USP24: variants seen among roughly 807,000 people sequenced by gnomAD.
USP24 encodes the protein ubiquitin specific peptidase 24, also known as ubiquitin carboxyl-terminal hydrolase 24.
Under a neutral mutation model 361.6 loss-of-function variants are expected in USP24, and 97 were observed. The ratio of observed to expected loss-of-function variants is 0.27; its 90% CI spans 0.23 to 0.32. The LOEUF (loss-of-function observed/expected upper bound fraction) is 0.32, where lower values mean the gene tolerates loss of function less well. Ranked by LOEUF, USP24 falls within the 10% of genes least tolerant of loss-of-function variation. USP24 has a pLI of 1.00. For missense variants in USP24, 2,353 were observed against 3,165.6 expected (o/e 0.74, Z 6.16); for synonymous variants, 1,098 against 1,124.6 (o/e 0.98, Z 0.47).
At chr1:55,090,584 C>G (rs1379733730) in intron 54 of USP24, among the ~76,000 whole-genome samples, 3 of 152,210 alleles carry the variant, frequency 2.0e-5, no homozygotes, top group Admixed American at 2.0e-4. Context: ...CTTGGAGAAG[C>G]TCACTTTGCT....
At chr1:55,178,732 A>T (rs908721901) in intron 1 of USP24, among the ~76,000 whole-genome samples, 2 of 146,482 alleles carry the variant, frequency 1.4e-5, no homozygotes, top group Admixed American at 6.8e-5. Flanking sequence ...AATAAATAAA[A>T]AGAACTGTCT....
At chr1:55,161,894 T>A (rs1648321711) in intron 8 of USP24, among the ~76,000 whole-genome samples, 1 of 152,070 alleles carries the variant, frequency 6.6e-6, no homozygotes, top group African/African-American at 2.4e-5. Context: ...CCTTAAATAA[T>A]CCTGTGAAGC....
chr1:55,151,455 C>T (rs1039203354), intron 16 of USP24, among the ~76,000 whole-genome samples: 2 of 152,092 alleles, frequency 1.3e-5, no homozygotes, highest in African/African-American at 4.8e-5. Context: ...CTTTTGGTGT[C>T]CTCATAGGGT....
intron 38 of USP24, among the ~76,000 whole-genome samples, chr1:55,117,742 CAAAAAAA>C (rs58149121): frequency 6.0e-5 from 4 of 66,846 alleles, no homozygotes; most frequent in African/African-American, 2.3e-4. Flanking sequence ...GACTCCGTCT[CAAAAAAA>C]AAAAAAAAAA....
In USP24 at chr1:55,094,051, T is replaced by C; in HGVS notation, c.6240A>G (p.Ser2080=). 2 of 1,613,708 alleles carry C rather than the reference T, an allele frequency of 1.2e-6. No individual in the cohort carries two copies. The highest frequency in any genetic ancestry group is 1.7e-6 in the Non-Finnish European group (2 of 1,179,738). ...TGTTCGGCCTATGGGGCCGAGGGGA[T>C]GACTGAGGTGAAATTTCTGGTGAAG... The part of the protein sequence containing the change: ...APSSPEISPQ[S]SPRPHRPNND... The change falls in exon 52 of 68, where the codon TCA becomes TCG. Residue 2080 remains serine (S), a synonymous_variant. Coordinates refer to ENST00000294383, the MANE Select transcript of USP24 (RefSeq NM_015306.3).
intron 63 of USP24, 58 bp downstream of exon 63, chr1:55,075,399 C>G: frequency 6.7e-7 from 1 of 1,495,990 alleles, no homozygotes; most frequent in Non-Finnish European, 9.1e-7. Context: ...CTGGCCAGAA[C>G]AATAGATTAT....
chr1:55,077,136 A>T, intron 62 of USP24, 99 bp downstream of exon 62: 5 of 1,140,772 alleles, frequency 4.4e-6, no homozygotes, highest in Non-Finnish European at 5.9e-6. Flanking sequence ...AGACCAAATG[A>T]ATGGAGAAAT....
chr1:55,109,264 A>T (rs2100545361), intron 39 of USP24, among the ~76,000 whole-genome samples: 1 of 152,348 alleles, frequency 6.6e-6, no homozygotes, highest in South Asian at 2.1e-4. Flanking sequence ...GGCGTAAGCC[A>T]CTGCGCCTGG....
intron 1 of USP24, among the ~76,000 whole-genome samples, chr1:55,209,686 C>T (rs1569836022): frequency 6.6e-6 from 1 of 151,992 alleles, no homozygotes; most frequent in Non-Finnish European, 1.5e-5. Context: ...GCACTTAGAG[C>T]GCTTAGTGAG....
chr1:55,075,554 TAAA>T (rs755584953), intron 62 of USP24, 31 bp from the exon 63 acceptor site: 1 of 1,549,766 alleles, frequency 6.5e-7, no homozygotes, highest in South Asian at 1.2e-5. Flanking sequence ...AATTAGTAAA[TAAA>T]AGAAGGAACT....
chr1:55,071,659 A>G (rs1284598948), intron 67 of USP24, among the ~76,000 whole-genome samples, 155 bp downstream of exon 67: 1 of 152,228 alleles, frequency 6.6e-6, no homozygotes, highest in Non-Finnish European at 1.5e-5. Context: ...GTTAGTGCAT[A>G]TGCTGAGCTG....
Position 55,073,910 on chromosome 1 carries a change from A to C in USP24, c.7448-4T>G. 1 of 1,565,954 alleles carries C rather than the reference A, an allele frequency of 6.4e-7. No individual in the cohort carries two copies. The highest frequency in any genetic ancestry group is 8.7e-7 in the Non-Finnish European group (1 of 1,154,224). ...TGATTACTGTGGTGCATCAAAGCTG[A>C]GGGAAGAGAAAAGGACATTTTAACA... On this transcript the variant is annotated splice_polypyrimidine_tract_variant and splice_region_variant and intron_variant, in intron 63 of 67. Coordinates refer to ENST00000294383, the MANE Select transcript of USP24 (RefSeq NM_015306.3).
intron 40 of USP24, 25 bp from the exon 41 acceptor site, chr1:55,106,288 T>C (rs1045509176): frequency 1.6e-5 from 24 of 1,539,296 alleles, no homozygotes; most frequent in South Asian, 9.0e-5. Context: ...AATATTCATG[T>C]TGAAGATGAA....
At chr1:55,186,180 C>T (rs1201149038) in intron 1 of USP24, among the ~76,000 whole-genome samples, 1 of 152,034 alleles carries the variant, frequency 6.6e-6, no homozygotes, top group Non-Finnish European at 1.5e-5. Context: ...GGAACATTTC[C>T]CAACTTATTT....
At chr1:55,112,209 C>T (rs902859880) in intron 38 of USP24, among the ~76,000 whole-genome samples, 5 of 152,150 alleles carry the variant, frequency 3.3e-5, no homozygotes, top group East Asian at 1.9e-4. Context: ...TTTTGTTAAT[C>T]TTTTCAAAAA....
chr1:55,086,324 T>C (rs2100448156), intron 55 of USP24: 1 of 426,048 alleles, frequency 2.3e-6, no homozygotes, highest in East Asian at 4.2e-5. Flanking sequence ...TGTTCAGCTC[T>C]AGAGGTACAA....
chr1:55,172,555 T>C (rs756235380), intron 3 of USP24, 35 bp from the exon 4 acceptor site: 1 of 1,566,388 alleles, frequency 6.4e-7, no homozygotes, highest in Non-Finnish European at 8.6e-7. Context: ...AGAGTCTAAC[T>C]TGAAAAAAGA....
chr1:55,119,157 G>A (rs1646206057), intron 38 of USP24, among the ~76,000 whole-genome samples: 1 of 152,130 alleles, frequency 6.6e-6, no homozygotes, highest in Non-Finnish European at 1.5e-5. Context: ...GCCAAAAGGT[G>A]GAAACACCCA....
At chr1:55,113,195 A>T (rs1646005889) in intron 38 of USP24, among the ~76,000 whole-genome samples, 1 of 152,134 alleles carries the variant, frequency 6.6e-6, no homozygotes, top group Non-Finnish European at 1.5e-5. Context: ...AATGATAAAG[A>T]ATACATCACC....
Sources: gnomAD v4.1 joint callset for allele counts (sites outside exome capture counted in the v4.1 genomes callset) on GRCh38, gnomAD v4.1.1 for gene constraint, MANE v1.5 for transcripts, NCBI Gene and HGNC (gene_info 2026-07-23, HGNC 2026-07-21) for gene names.